FILIP1L: variants seen among roughly 807,000 people sequenced by gnomAD.
FILIP1L encodes filamin A-interacting protein 1-like.
FILIP1L carries 55 observed loss-of-function variants against 96.6 expected under a neutral mutation model. The observed-to-expected ratio is 0.57, with a 90% CI of 0.46 to 0.71. FILIP1L has a LOEUF of 0.71. Ranked by LOEUF, FILIP1L falls within the 30% of genes least tolerant of loss-of-function variation. The pLI, the probability that FILIP1L is intolerant of heterozygous loss-of-function variation, is 0.00. For missense variants in FILIP1L, 1,304 were observed against 1,321.2 expected (o/e 0.99, Z 0.20); for synonymous variants, 467 against 473.9 (o/e 0.99, Z 0.19).
chr3:99,898,400 C>T (rs1706328035), intron 4 of FILIP1L: 1 of 152,114 alleles, frequency 6.6e-6, no homozygotes, highest in Non-Finnish European at 1.5e-5. Context: ...GAAAGATCAG[C>T]TAAATAAAAA....
At position 100,010,775 on chromosome 3, in the gene FILIP1L, C is replaced by T. The variant is rs534938711; in HGVS notation, c.-10-79745G>A. 2.8e-3 allele frequency among the ~76,000 whole-genome samples: 298 copies of T among 105,460 alleles called. 1 individual carries two copies. Among genetic ancestry groups the T allele is most frequent in the Admixed American group, 6.8e-3 (59 of 8,684 alleles). The allele number at this position is 105,460 out of a possible 152,430, so 69.2% of individuals were successfully genotyped here. On this transcript the variant is annotated intron_variant, in intron 1 of 5. Coordinates refer to ENST00000477258, the MANE Select transcript of FILIP1L (RefSeq NM_001387850.1). ...GATTACAGGTGCGCGCCTCCACGCC[C>T]GGATTTTTTTTTTTTTTTTTTTTTG...
In FILIP1L at chr3:99,908,333, A is replaced by G. The variant is rs144096353; in HGVS notation, c.605+15897T>C. On this transcript the variant is annotated intron_variant, in intron 4 of 5. Coordinates refer to ENST00000477258, the MANE Select transcript of FILIP1L (RefSeq NM_001387850.1). ...GGCAGATGATTTGACTTAGACAACT[A>G]TGTGACAACTGGCTTCACTCGTGTT... is the stretch of plus-strand genomic sequence containing the variant. 4.6e-3 allele frequency among the ~76,000 whole-genome samples: 697 copies of G among 152,334 alleles called. 2 individuals are homozygous for G. Among genetic ancestry groups the G allele is most frequent in the South Asian group, 7.0e-3 (34 of 4,830 alleles).
chr3:100,037,700 T>G (rs993945414), intron 1 of FILIP1L, among the ~76,000 whole-genome samples: 5 of 152,212 alleles, frequency 3.3e-5, no homozygotes, highest in African/African-American at 1.2e-4. Flanking sequence ...AGCTCTGTCC[T>G]GATAAGTTTC....
At chr3:100,053,365 T>C (rs1228989635) in intron 1 of FILIP1L, among the ~76,000 whole-genome samples, 2 of 152,202 alleles carry the variant, frequency 1.3e-5, no homozygotes, top group African/African-American at 2.4e-5. Context: ...TTCTTGCTTT[T>C]TGTAGCTTCT....
intron 1 of FILIP1L, among the ~76,000 whole-genome samples, chr3:99,955,093 C>A (rs1177615910): frequency 6.6e-6 from 1 of 152,176 alleles, no homozygotes; most frequent in Non-Finnish European, 1.5e-5. Context: ...GGTAATTTGT[C>A]TTTCATCACC....
chr3:99,951,607 T>C (rs1708179310), intron 1 of FILIP1L, among the ~76,000 whole-genome samples: 1 of 152,138 alleles, frequency 6.6e-6, no homozygotes, highest in African/African-American at 2.4e-5. Context: ...AGTGTTTTTG[T>C]ACCATCATTG....
intron 1 of FILIP1L, among the ~76,000 whole-genome samples, chr3:100,100,141 C>T (rs1291021105): frequency 6.6e-6 from 1 of 152,058 alleles, no homozygotes; most frequent in Non-Finnish European, 1.5e-5. Flanking sequence ...CTGGAAGTGG[C>T]ATGGTGGGCT....
chr3:99,840,342 G>C (rs547471846), intron 5 of FILIP1L, among the ~76,000 whole-genome samples: 176 of 146,932 alleles, frequency 1.2e-3, no homozygotes, highest in Non-Finnish European at 2.0e-3. Context: ...TCCTGCCTCA[G>C]CCTCCCAAGT....
At chr3:99,980,826 A>C (rs1709099986) in intron 1 of FILIP1L, among the ~76,000 whole-genome samples, 2 of 152,266 alleles carry the variant, frequency 1.3e-5, no homozygotes, top group South Asian at 4.1e-4. Context: ...TGTTCTAGCT[A>C]TTCAGAGGCA....
At chr3:100,087,652 G>A (rs6414382) in intron 1 of FILIP1L, among the ~76,000 whole-genome samples, 117,484 of 151,750 alleles carry the variant, frequency 0.77, 46,071 homozygotes, top group East Asian at 0.88. Flanking sequence ...TATAACTTGC[G>A]AGTTTTTTTC....
intron 1 of FILIP1L, among the ~76,000 whole-genome samples, chr3:100,061,172 G>A (rs931431371): frequency 1.3e-5 from 2 of 151,974 alleles, no homozygotes; most frequent in Non-Finnish European, 2.9e-5. Context: ...GGAAGGAAGG[G>A]TACAATTTTT....
At chr3:100,073,756 G>A (rs1262913510) in intron 1 of FILIP1L, among the ~76,000 whole-genome samples, 1 of 152,178 alleles carries the variant, frequency 6.6e-6, no homozygotes, top group Non-Finnish European at 1.5e-5. Flanking sequence ...TAGGGTGTGT[G>A]CCGGGCAAGA....
chr3:99,850,603 A>G lies in FILIP1L; in HGVS notation c.1073T>C (p.Ile358Thr). The G allele has an allele frequency of 2.5e-6, 4 of 1,613,072 alleles. No individual in the cohort carries two copies. The highest frequency in any genetic ancestry group is 3.4e-6 in the Non-Finnish European group (4 of 1,179,872). ...EEELQDIKEKISKGEYGNAGI... is the reference protein window; with the variant it reads ...EEELQDIKEKTSKGEYGNAGI... Reference sequence around the variant, plus strand: ...AGCGTTTCCATATTCTCCCTTACTGATTTTTTCTTTTATATCTTGCAGCTC... The same window carrying G: ...AGCGTTTCCATATTCTCCCTTACTGGTTTTTTCTTTTATATCTTGCAGCTC... Residue 358 changes from isoleucine (I) to threonine (T), a missense_variant, in exon 5 of 6, where the codon ATC becomes ACC. Coordinates refer to ENST00000477258, the MANE Select transcript of FILIP1L (RefSeq NM_001387850.1).
intron 1 of FILIP1L, among the ~76,000 whole-genome samples, chr3:100,086,834 G>C (rs1396061980): frequency 1.3e-5 from 2 of 152,062 alleles, no homozygotes; most frequent in Admixed American, 1.3e-4. Context: ...ATCACCCCCA[G>C]AAATCCTTCA....
chr3:99,964,022 T>C (rs1227466037), intron 1 of FILIP1L, among the ~76,000 whole-genome samples: 2 of 152,064 alleles, frequency 1.3e-5, no homozygotes, highest in South Asian at 4.2e-4. Flanking sequence ...TTCACATGAC[T>C]TTATAATCTT....
At chr3:99,959,377 T>G (rs1484638494) in intron 1 of FILIP1L, among the ~76,000 whole-genome samples, 1 of 152,240 alleles carries the variant, frequency 6.6e-6, no homozygotes, top group Non-Finnish European at 1.5e-5. Flanking sequence ...CTCGAACTCC[T>G]GTCCTCTTGT....
chr3:99,940,556 A>G (rs774461345), intron 1 of FILIP1L, among the ~76,000 whole-genome samples: 6 of 152,250 alleles, frequency 3.9e-5, no homozygotes, highest in African/African-American at 9.6e-5. Context: ...AGCCAACACC[A>G]GAAGGCAGGT....
intron 4 of FILIP1L, among the ~76,000 whole-genome samples, chr3:99,906,793 A>G (rs532276437): frequency 9.6e-4 from 147 of 152,346 alleles, no homozygotes; most frequent in African/African-American, 3.4e-3. Flanking sequence ...AACTATAAGT[A>G]GAAGAGATGG....
At chr3:100,048,959 A>G (rs2065323826) in intron 1 of FILIP1L, among the ~76,000 whole-genome samples, 2 of 152,210 alleles carry the variant, frequency 1.3e-5, no homozygotes, top group South Asian at 4.1e-4. Flanking sequence ...TAAAGTTACC[A>G]CACACACAAT....
Sources: gnomAD v4.1 joint callset for allele counts (sites outside exome capture counted in the v4.1 genomes callset) on GRCh38, gnomAD v4.1.1 for gene constraint, MANE v1.5 for transcripts, NCBI Gene and HGNC (gene_info 2026-07-23, HGNC 2026-07-21) for gene names.